ATP2B2: variants seen among roughly 807,000 people sequenced by gnomAD.
ATP2B2 encodes the protein ATPase plasma membrane Ca2+ transporting 2.
Under a neutral mutation model 120.0 loss-of-function variants are expected in ATP2B2, and 15 were observed. That is an observed-to-expected ratio of 0.12 (90% CI 0.08 to 0.19). The LOEUF (loss-of-function observed/expected upper bound fraction) is 0.19, where lower values mean the gene tolerates loss of function less well. ATP2B2 is among the 10% of genes least tolerant of loss of function. ATP2B2 has a pLI of 1.00. For missense variants in ATP2B2, 1,045 were observed against 1,719.8 expected, an observed-to-expected ratio of 0.61 and a Z score of 6.94; for synonymous variants, 694 against 700.3, an observed-to-expected ratio of 0.99 and a Z score of 0.14.
Position 10,402,046 on chromosome 3 carries a change from C to T in ATP2B2, c.655+45G>A, listed in dbSNP as rs760234159. 3.2e-5 allele frequency: 51 copies of T among 1,608,780 alleles called. No homozygotes were observed. The highest frequency in any genetic ancestry group is 4.2e-5 in the Non-Finnish European group (49 of 1,179,988). On this transcript the variant is annotated intron_variant, in intron 4 of 22. Coordinates refer to ENST00000360273, the MANE Select transcript of ATP2B2 (RefSeq NM_001001331.4). This position sits in a 1 kb window ranked among gnomAD's most constrained non-coding sequence, Gnocchi z 4.9. The stretch of plus-strand genomic sequence containing the variant: ...ATCAGCCTGGCCTGTCCCACCTCTG[C>T]CGGAATCCAGCTTTAGAACCTGGCT...
intron 16 of ATP2B2, among the ~76,000 whole-genome samples, chr3:10,348,457 T>C (rs921916072): frequency 6.6e-5 from 10 of 152,210 alleles, no homozygotes; most frequent in African/African-American, 2.4e-4. Context: ...GTGCAGGCCA[T>C]GACGGGGTGC....
chr3:10,532,193 G>C (rs1276053809), intron 3 of ATP2B2, among the ~76,000 whole-genome samples: 2 of 152,116 alleles, frequency 1.3e-5, no homozygotes, highest in East Asian at 3.9e-4. Context: ...CTTTATCTTG[G>C]GCCCTGTTCA....
intron 2 of ATP2B2, among the ~76,000 whole-genome samples, chr3:10,438,831 T>C (rs1185989853): frequency 6.6e-6 from 1 of 152,158 alleles, no homozygotes; most frequent in Non-Finnish European, 1.5e-5. Flanking sequence ...CGCCTGCAGT[T>C]ATACAGCAAC....
intron 5 of ATP2B2, among the ~76,000 whole-genome samples, chr3:10,398,098 T>C (rs1354495784): frequency 6.6e-6 from 1 of 152,198 alleles, no homozygotes; most frequent in South Asian, 2.1e-4. Context: ...TTCTGGATCC[T>C]GACACTTGCT....
chr3:10,361,937 T>C (rs1314501377), intron 12 of ATP2B2, among the ~76,000 whole-genome samples: 1 of 152,160 alleles, frequency 6.6e-6, no homozygotes, highest in East Asian at 1.9e-4. Context: ...TGCCTCCATA[T>C]GGGCACTGAT....
intron 5 of ATP2B2, among the ~76,000 whole-genome samples, chr3:10,395,295 G>A (rs1487136255): frequency 6.6e-6 from 1 of 152,232 alleles, no homozygotes; most frequent in Non-Finnish European, 1.5e-5. Context: ...CATCCAAGTG[G>A]CATGCAGGAC....
intron 2 of ATP2B2, among the ~76,000 whole-genome samples, chr3:10,416,690 C>A (rs1381423001): frequency 2.0e-5 from 3 of 151,726 alleles, no homozygotes; most frequent in Non-Finnish European, 4.4e-5. Flanking sequence ...GAGCACAGAG[C>A]TGGCGACCTG....
At chr3:10,675,511 T>A (rs574534479) in intron 1 of ATP2B2, among the ~76,000 whole-genome samples, 330 of 152,350 alleles carry the variant, frequency 2.2e-3, no homozygotes, top group Non-Finnish European at 3.7e-3. Context: ...AAAAACAAAT[T>A]TGAGGCTCTG....
At chr3:10,626,772 T>C (rs1204492584) in intron 1 of ATP2B2, 1 of 152,118 alleles carries the variant, frequency 6.6e-6, no homozygotes, top group African/African-American at 2.4e-5. Context: ...CTACCCAAGG[T>C]TATTTTCATT....
rs574325320 is a variant in ATP2B2, at chr3:10,625,113, C to T, written c.-459-5152G>A. ...TGTTGCTGCAGGAGGTTCAGCAGGC[C>T]CCAGAAACTCAGAGGTGAGGACGTG... On this transcript the variant is annotated intron_variant, in intron 1 of 21. Coordinates refer to the ATP2B2 transcript ENST00000646379. Among the ~76,000 whole-genome samples, 5 of 152,188 alleles carry T rather than the reference C, an allele frequency of 3.3e-5. No individual in the cohort carries two copies. The South Asian group carries it at 6.2e-4, about 19-fold the overall frequency.
At chr3:10,542,155 T>G (rs1009448458) in intron 2 of ATP2B2, among the ~76,000 whole-genome samples, 2 of 152,190 alleles carry the variant, frequency 1.3e-5, no homozygotes, top group Non-Finnish European at 2.9e-5. Context: ...TTGAAGTGAG[T>G]CTCTTGTAGC....
chr3:10,669,328 G>A (rs962819725), intron 1 of ATP2B2, among the ~76,000 whole-genome samples: 2 of 152,012 alleles, frequency 1.3e-5, no homozygotes, highest in East Asian at 1.9e-4. Context: ...CCAGACCTCC[G>A]CCCAACACAG....
At chr3:10,683,756 G>GTGTGTGTGTGTATGTA (rs1171329562) in intron 1 of ATP2B2, among the ~76,000 whole-genome samples, 8 of 29,702 alleles carry the variant, frequency 2.7e-4, no homozygotes, top group Admixed American at 1.2e-3. Flanking sequence ...ATATGTGTGT[G>GTGTGTGTGTGTATGTA]TGTGTATATA....
At chr3:10,406,095 T>A (rs1303720769) in intron 3 of ATP2B2, among the ~76,000 whole-genome samples, 2 of 152,100 alleles carry the variant, frequency 1.3e-5, no homozygotes, top group Non-Finnish European at 2.9e-5. Flanking sequence ...CAGTGATGAG[T>A]ATGAGATAAG....
At chr3:10,558,968 T>C (rs185869239) in intron 2 of ATP2B2, among the ~76,000 whole-genome samples, 4 of 152,302 alleles carry the variant, frequency 2.6e-5, no homozygotes, top group African/African-American at 7.2e-5. Flanking sequence ...TTTATATACC[T>C]TGTGGCTCTC....
At chr3:10,489,686 C>T (rs945747625) in intron 1 of ATP2B2, among the ~76,000 whole-genome samples, 1 of 152,196 alleles carries the variant, frequency 6.6e-6, no homozygotes, top group African/African-American at 2.4e-5. Flanking sequence ...CCTGTCAGCC[C>T]ATCCCATGCC....
chr3:10,628,930 G>A (rs1211684482), intron 1 of ATP2B2, among the ~76,000 whole-genome samples: 1 of 152,138 alleles, frequency 6.6e-6, no homozygotes, highest in Non-Finnish European at 1.5e-5. Flanking sequence ...AGTATTGTTT[G>A]TTTGTTTTTG....
intron 14 of ATP2B2, among the ~76,000 whole-genome samples, chr3:10,357,917 T>C (rs2060786530): frequency 6.6e-6 from 1 of 152,212 alleles, no homozygotes; most frequent in Non-Finnish European, 1.5e-5. Context: ...CATCCTCCCC[T>C]GACCCCGGCA....
In ATP2B2 at chr3:10,635,122, C is replaced by G. The variant is rs570207131; in HGVS notation, c.-459-15161G>C. On this transcript the variant is annotated intron_variant, in intron 1 of 21. Coordinates refer to the ATP2B2 transcript ENST00000646379. This position sits in a 1 kb window ranked among gnomAD's most constrained non-coding sequence, Gnocchi z 4.3. ...CCTCTCTGTGGGAGACAATACGGAGCAGGAGGTACTGTGAGGATATGGAAA... is the reference window on the plus strand; with the variant it reads ...CCTCTCTGTGGGAGACAATACGGAGGAGGAGGTACTGTGAGGATATGGAAA... 6.6e-6 allele frequency among the ~76,000 whole-genome samples: 1 copy of G among 151,996 alleles called. No homozygotes were observed. The highest frequency in any genetic ancestry group is 2.1e-4 in the South Asian group (1 of 4,758).
Sources: allele counts gnomAD v4.1 joint callset (sites outside exome capture counted in the v4.1 genomes callset), GRCh38; gene constraint gnomAD v4.1.1; non-coding constraint Gnocchi (gnomAD v3.1); transcripts MANE v1.5; gene names NCBI Gene and HGNC (gene_info 2026-07-23, HGNC 2026-07-21).